The following RFX7 variants were observed in gnomAD, a reference collection of about 807,000 sequenced individuals.
RFX7 encodes DNA-binding protein RFX7.
RFX7 carries 26 observed loss-of-function variants against 111.8 expected under a neutral mutation model. The observed-to-expected ratio is 0.23, with a 90% CI of 0.17 to 0.32. The LOEUF is 0.32. RFX7 is among the 10% of genes least tolerant of loss of function. The probability of loss-of-function intolerance (pLI) is 1.00; values close to 1 mark genes in which losing one functional copy is unlikely to be tolerated. For missense variants in RFX7, 1,573 were observed against 1,772.9 expected (o/e 0.89, Z 2.02); for synonymous variants, 624 against 624.4 (o/e 1.00, Z 0.01).
intron 3 of RFX7, among the ~76,000 whole-genome samples, chr15:56,156,578 T>TA (rs1453742807): frequency 6.6e-6 from 1 of 152,076 alleles, no homozygotes; most frequent in Non-Finnish European, 1.5e-5. Context: ...AGTTTTTTCC[T>TA]AAGGTATGTA....
intron 2 of RFX7, among the ~76,000 whole-genome samples, chr15:56,186,366 G>A (rs1349934406): frequency 6.6e-6 from 1 of 152,070 alleles, no homozygotes; most frequent in Non-Finnish European, 1.5e-5. Flanking sequence ...AAACCACTAT[G>A]GGTCATTTAG....
rs1375794414 is a variant in RFX7, at chr15:56,095,226, C to T, written c.2502G>A (p.Gln834=). The change falls in exon 10 of 10, where the codon CAG becomes CAA. Residue 834 remains glutamine (Q), a synonymous_variant. Transcript: ENST00000559447. ...EGMPQDTYSQ[Q]LHSQIQESSL... ...AAGATTCCTGTATCTGGCTATGTAG[C>T]TGCTGGCTATATGTGTCCTGTGGCA... 1.2e-6 allele frequency: 2 copies of T among 1,613,776 alleles called. No individual in the cohort carries two copies. The highest frequency in any genetic ancestry group is 2.7e-5 in the African/African-American group (2 of 74,926).
intron 7 of RFX7, 21 bp downstream of exon 7, chr15:56,102,148 A>C: frequency 1.9e-6 from 3 of 1,565,940 alleles, no homozygotes; most frequent in Non-Finnish European, 2.6e-6. Context: ...ACTTATTAAA[A>C]AGAAAAGGCT....
At chr15:56,193,446 A>G (rs1296343117) in intron 2 of RFX7, among the ~76,000 whole-genome samples, 1 of 152,158 alleles carries the variant, frequency 6.6e-6, no homozygotes, top group Non-Finnish European at 1.5e-5. Flanking sequence ...ATATTTTTCT[A>G]ATTTTTTAAA....
intron 2 of RFX7, among the ~76,000 whole-genome samples, chr15:56,187,297 G>A (rs375656622): frequency 2.5e-4 from 37 of 150,724 alleles, no homozygotes; most frequent in Middle Eastern, 3.4e-3. Context: ...TGCAACCTCC[G>A]CCTCCTGGGT....
intron 5 of RFX7, among the ~76,000 whole-genome samples, chr15:56,127,411 A>C (rs1236751793): frequency 6.6e-6 from 1 of 151,342 alleles, no homozygotes; most frequent in African/African-American, 2.4e-5. Context: ...CCAGGTTAAG[A>C]AACTAGAAAC....
chr15:56,092,792 C>T lies in RFX7; in HGVS notation c.*553G>A, dbSNP rs1436879268. On this transcript the variant is annotated 3_prime_UTR_variant, in exon 10 of 10. Transcript: ENST00000559447. Reference sequence around the variant, plus strand: ...ATTATTTTCTATTTAAGCCCTTCATCGTGGGTGTAAATGGTACTGAAGCCC... The same window carrying T: ...ATTATTTTCTATTTAAGCCCTTCATTGTGGGTGTAAATGGTACTGAAGCCC... 3 of 152,532 alleles carry T rather than the reference C, an allele frequency of 2.0e-5. No homozygotes were observed. Among genetic ancestry groups the T allele is most frequent in the Non-Finnish European group, 4.4e-5 (3 of 68,026 alleles). The allele number at this position is 152,532 out of a possible 1,614,324, so 9.4% of individuals were successfully genotyped here.
At chr15:56,216,560 C>A (rs952032745) in intron 2 of RFX7, among the ~76,000 whole-genome samples, 11 of 152,104 alleles carry the variant, frequency 7.2e-5, no homozygotes, top group Non-Finnish European at 1.5e-4. Flanking sequence ...TGCAAAGAAA[C>A]CAAATTAGAT....
At chr15:56,134,532 T>C (rs1595952585) in intron 5 of RFX7, among the ~76,000 whole-genome samples, 2 of 152,022 alleles carry the variant, frequency 1.3e-5, no homozygotes, top group African/African-American at 4.8e-5. Context: ...CTAATCATGC[T>C]ATTATAAAAA....
chr15:56,130,945 G>C (rs1164709052), intron 5 of RFX7, among the ~76,000 whole-genome samples: 1 of 151,926 alleles, frequency 6.6e-6, no homozygotes. Flanking sequence ...TCCAACAAAG[G>C]CTCCAGGCCT....
At chr15:56,166,844 C>G (rs1396964419) in intron 3 of RFX7, among the ~76,000 whole-genome samples, 1 of 152,136 alleles carries the variant, frequency 6.6e-6, no homozygotes, top group African/African-American at 2.4e-5. Flanking sequence ...GTCTGGAACT[C>G]CTGAGCTCAA....
intron 3 of RFX7, among the ~76,000 whole-genome samples, chr15:56,175,998 GGCT>G (rs768007580): frequency 6.6e-6 from 1 of 152,106 alleles, no homozygotes; most frequent in East Asian, 1.9e-4. Context: ...TCTTGCTTAT[GGCT>G]GCTGCCATGA....
intron 3 of RFX7, among the ~76,000 whole-genome samples, chr15:56,173,246 G>C (rs59432349): frequency 6.6e-6 from 1 of 151,934 alleles, no homozygotes; most frequent in African/African-American, 2.4e-5. Context: ...ACTCCAAAAG[G>C]CTGGGCAAAG....
chr15:56,206,413 TG>T (rs2043252510), intron 2 of RFX7, among the ~76,000 whole-genome samples: 1 of 152,132 alleles, frequency 6.6e-6, no homozygotes, highest in Admixed American at 6.5e-5. Context: ...ACACAGTGGC[TG>T]GTGCACAATC....
chr15:56,222,314 T>C (rs1331040167), intron 2 of RFX7, among the ~76,000 whole-genome samples: 1 of 152,184 alleles, frequency 6.6e-6, no homozygotes, highest in Admixed American at 6.5e-5. Flanking sequence ...TTATTTTTAG[T>C]TTTAAGTAAT....
intron 3 of RFX7, among the ~76,000 whole-genome samples, chr15:56,163,009 C>T (rs931413887): frequency 3.3e-5 from 5 of 152,012 alleles, no homozygotes; most frequent in African/African-American, 9.7e-5. Flanking sequence ...GAGCCTTTTT[C>T]GAGCAGTAAC....
intron 2 of RFX7, among the ~76,000 whole-genome samples, chr15:56,224,590 G>C (rs554140248): frequency 6.6e-6 from 1 of 151,302 alleles, no homozygotes; most frequent in Non-Finnish European, 1.5e-5. Context: ...ACATGAAGTC[G>C]TTAAACATTT....
intron 3 of RFX7, among the ~76,000 whole-genome samples, chr15:56,177,518 A>T (rs1033925007): frequency 4.6e-5 from 7 of 152,192 alleles, no homozygotes; most frequent in Non-Finnish European, 5.9e-5. Context: ...GTAAAAATTT[A>T]CATATATTCT....
chr15:56,243,073 CAGCAGA>C, intron 2 of RFX7, 46 bp downstream of exon 2: 1 of 776,608 alleles, frequency 1.3e-6, no homozygotes, highest in Non-Finnish European at 2.0e-6. Flanking sequence ...ACCCACTTTG[CAGCAGA>C]AATGTGCCTG....
Sources: gnomAD v4.1 joint callset for allele counts (sites outside exome capture counted in the v4.1 genomes callset) on GRCh38, gnomAD v4.1.1 for gene constraint, MANE v1.5 for transcripts, NCBI Gene and HGNC (gene_info 2026-07-23, HGNC 2026-07-21) for gene names.